The following SLC4A4 variants were observed in gnomAD, a reference collection of about 807,000 sequenced individuals.
The protein encoded by SLC4A4 is electrogenic sodium bicarbonate cotransporter 1.
Under a neutral mutation model 111.5 loss-of-function variants are expected in SLC4A4, and 27 were observed. That is an observed-to-expected ratio of 0.24 (90% confidence interval 0.18 to 0.33). The LOEUF (loss-of-function observed/expected upper bound fraction) is 0.33, where lower values mean the gene tolerates loss of function less well. Among genes scored for constraint, SLC4A4 ranks in the 10% least tolerant of loss-of-function variants. The pLI is 1.00. For missense variants in SLC4A4, 909 were observed against 1,315.5 expected (o/e 0.69, Z 4.78); for synonymous variants, 443 against 463.4 (o/e 0.96, Z 0.57).
intron 3 of SLC4A4, among the ~76,000 whole-genome samples, chr4:71,331,056 G>A (rs1251384642): frequency 1.3e-5 from 2 of 152,138 alleles, no homozygotes; most frequent in Admixed American, 1.3e-4. Flanking sequence ...AGTTAGAATG[G>A]CGATCATTAA....
chr4:71,489,017 A>G (rs572464082), intron 15 of SLC4A4, among the ~76,000 whole-genome samples: 1 of 148,086 alleles, frequency 6.8e-6, no homozygotes, highest in African/African-American at 2.5e-5. Flanking sequence ...ATACACACAC[A>G]TACAATATAG....
intron 14 of SLC4A4, among the ~76,000 whole-genome samples, chr4:71,474,052 C>A (rs536781097): frequency 1.3e-3 from 196 of 149,706 alleles, no homozygotes; most frequent in Non-Finnish European, 2.0e-3. Flanking sequence ...AATAGAAAAA[C>A]CAGCCGGGTG....
chr4:71,396,475 G>A (rs375677942), intron 6 of SLC4A4, among the ~76,000 whole-genome samples: 7 of 152,192 alleles, frequency 4.6e-5, no homozygotes, highest in African/African-American at 1.7e-4. Flanking sequence ...GAATTATTTG[G>A]AAGCAAATGT....
chr4:71,467,536 A>G (rs1158534516), intron 13 of SLC4A4, among the ~76,000 whole-genome samples: 1 of 152,118 alleles, frequency 6.6e-6, no homozygotes, highest in African/African-American at 2.4e-5. Context: ...CAATAAGTAA[A>G]TTGCCTAATA....
intron 6 of SLC4A4, among the ~76,000 whole-genome samples, chr4:71,391,863 C>T (rs934818092): frequency 1.3e-5 from 2 of 151,894 alleles, no homozygotes; most frequent in Admixed American, 6.6e-5. Context: ...CACCACTTGC[C>T]CAAGAAGCAA....
At chr4:71,135,610 T>A (rs920739182) in intron 2 of SLC4A4, among the ~76,000 whole-genome samples, 1 of 152,182 alleles carries the variant, frequency 6.6e-6, no homozygotes, top group Non-Finnish European at 1.5e-5. Flanking sequence ...ATCTACTCTT[T>A]TAGCAATTTT....
intron 14 of SLC4A4, among the ~76,000 whole-genome samples, chr4:71,485,567 G>T (rs1322114060): frequency 1.0e-5 from 1 of 96,296 alleles, no homozygotes; most frequent in Non-Finnish European, 3.1e-5. Context: ...AACAGAATAA[G>T]AACACAGATA....
At chr4:71,131,140 G>A (rs1276415276) in intron 2 of SLC4A4, among the ~76,000 whole-genome samples, 2 of 152,190 alleles carry the variant, frequency 1.3e-5, no homozygotes, top group East Asian at 1.9e-4. Flanking sequence ...CACTAACAAC[G>A]GCGGATGGGA....
chr4:71,074,102 A>C (rs1186902453), intron 1 of SLC4A4, among the ~76,000 whole-genome samples: 4 of 152,184 alleles, frequency 2.6e-5, no homozygotes, highest in African/African-American at 9.7e-5. Flanking sequence ...GTTAGATGTC[A>C]GTATAGAATA....
intron 6 of SLC4A4, among the ~76,000 whole-genome samples, chr4:71,370,037 G>A (rs76752905): frequency 0.022 from 3,289 of 152,242 alleles, 113 homozygotes; most frequent in East Asian, 0.12. Context: ...GGAAAAGTAT[G>A]AGTTTGATAT....
intron 6 of SLC4A4, among the ~76,000 whole-genome samples, chr4:71,374,428 G>A (rs1235681375): frequency 6.6e-6 from 1 of 152,062 alleles, no homozygotes; most frequent in Non-Finnish European, 1.5e-5. Context: ...TGATGTCTAT[G>A]TTCAGACTTT....
intron 3 of SLC4A4, among the ~76,000 whole-genome samples, chr4:71,278,594 C>T (rs934518611): frequency 2.0e-5 from 3 of 152,182 alleles, no homozygotes; most frequent in African/African-American, 7.2e-5. Context: ...TGCTTCATAT[C>T]AACACCCACC....
chr4:71,113,575 A>C (rs1743155463), intron 2 of SLC4A4, among the ~76,000 whole-genome samples: 1 of 152,146 alleles, frequency 6.6e-6, no homozygotes, highest in South Asian at 2.1e-4. Context: ...GTGCACTTTC[A>C]ACTGGACTCT....
At chr4:71,546,592 A>G in intron 19 of SLC4A4, 64 bp downstream of exon 19, 3 of 1,384,250 alleles carry the variant, frequency 2.2e-6, no homozygotes, top group Non-Finnish European at 3.0e-6. Flanking sequence ...TGTGGCAATC[A>G]TAAGGATATG....
At chr4:71,487,114 CAA>C in intron 15 of SLC4A4, 96 bp downstream of exon 15, 1 of 738,668 alleles carries the variant, frequency 1.4e-6, no homozygotes, top group South Asian at 1.5e-5. Flanking sequence ...TACCACTCAG[CAA>C]TTCTGGCATG....
At chr4:71,255,170 C>T in intron 2 of SLC4A4, 50 bp from the exon 3 acceptor site, 1 of 1,482,130 alleles carries the variant, frequency 6.7e-7, no homozygotes, top group Non-Finnish European at 9.4e-7. Context: ...AATTTGTCTG[C>T]AGTAGAGAAT....
rs186979707 is a variant in SLC4A4 at position 71,221,370 on chromosome 4, T to G, written c.-1-15206T>G. Reference sequence around the variant, plus strand: ...CTTCCACAATGTGGACCACTCCTGTTTGTACAAACAAGTGGCTAGAACCAA... The same window carrying G: ...CTTCCACAATGTGGACCACTCCTGTGTGTACAAACAAGTGGCTAGAACCAA... On this transcript the variant is annotated intron_variant, in intron 1 of 25. Coordinates refer to ENST00000264485, the MANE Select transcript of SLC4A4 (RefSeq NM_001098484.3). 5.3e-5 allele frequency among the ~76,000 whole-genome samples: 8 copies of G among 152,312 alleles called. No individual in the cohort carries two copies. The East Asian group carries it at 1.5e-3, about 29-fold the overall frequency.
intron 20 of SLC4A4, among the ~76,000 whole-genome samples, chr4:71,554,812 G>C (rs1474606841): frequency 6.6e-6 from 1 of 151,520 alleles, no homozygotes; most frequent in East Asian, 2.0e-4. Context: ...GAAGCATCTT[G>C]TTTACATAGT....
chr4:71,090,078 C>G (rs1424495316), intron 1 of SLC4A4, among the ~76,000 whole-genome samples: 1 of 152,082 alleles, frequency 6.6e-6, no homozygotes, highest in Admixed American at 6.5e-5. Flanking sequence ...TGTTTACCTA[C>G]TCAAGCCTTA....
Sources: allele counts gnomAD v4.1 joint callset (sites outside exome capture counted in the v4.1 genomes callset), GRCh38; gene constraint gnomAD v4.1.1; transcripts MANE v1.5; gene names NCBI Gene and HGNC (gene_info 2026-07-23, HGNC 2026-07-21).